The following RASEF variants were observed in gnomAD, a reference collection of about 807,000 sequenced individuals.
The protein encoded by RASEF is ras and EF-hand domain-containing protein.
Under a neutral mutation model 90.1 loss-of-function variants are expected in RASEF, and 68 were observed. The ratio of observed to expected loss-of-function variants is 0.75; its 90% confidence interval spans 0.62 to 0.92. The LOEUF (loss-of-function observed/expected upper bound fraction) is 0.92. Among genes scored for constraint, RASEF ranks in the 40% least tolerant of loss-of-function variants. The pLI is 0.00. For synonymous variants in RASEF, 331 were observed against 345.2 expected (o/e 0.96, Z 0.46); for missense variants, 949 against 937.2 (o/e 1.01, Z -0.16).
the RASEF span, among the ~76,000 whole-genome samples, chr9:83,132,404 C>A: frequency 6.6e-6 from 1 of 152,146 alleles, no homozygotes; most frequent in African/African-American, 2.4e-5. Context: ...CAGCCACCTC[C>A]TAATCTCCTA....
At chr9:83,160,674 A>T in the RASEF span, among the ~76,000 whole-genome samples, 1 of 152,230 alleles carries the variant, frequency 6.6e-6, no homozygotes, top group African/African-American at 2.4e-5. Flanking sequence ...GCCAAATGTT[A>T]GTCCCCAAGA....
chr9:83,010,031 A>G (rs1829211542), intron 5 of RASEF, among the ~76,000 whole-genome samples: 1 of 152,232 alleles, frequency 6.6e-6, no homozygotes, highest in Non-Finnish European at 1.5e-5. Context: ...ATCATGATGT[A>G]TTTCAACACA....
At chr9:83,135,490 T>C in the RASEF span, among the ~76,000 whole-genome samples, 2 of 152,098 alleles carry the variant, frequency 1.3e-5, no homozygotes, top group African/African-American at 4.8e-5. Context: ...ACTTAAAGTA[T>C]AATTTAAAAA....
upstream of RASEF, among the ~76,000 whole-genome samples, chr9:83,065,586 CA>C (rs938516653): frequency 6.6e-6 from 1 of 151,554 alleles, no homozygotes; most frequent in Non-Finnish European, 1.5e-5. Context: ...GAAGGGACTA[CA>C]AAAAAAACAG....
chr9:83,140,670 A>G, the RASEF span, among the ~76,000 whole-genome samples: 2 of 152,220 alleles, frequency 1.3e-5, no homozygotes, highest in African/African-American at 4.8e-5. Flanking sequence ...ATATAAATAC[A>G]ACATTTGAAC....
the RASEF span, among the ~76,000 whole-genome samples, chr9:83,198,694 T>C: frequency 0.8 from 121,187 of 152,026 alleles, 48,855 homozygotes; most frequent in East Asian, 0.96. Flanking sequence ...AGAACTTGTT[T>C]CGCTCTCAGC....
chr9:83,198,258 C>T, the RASEF span, among the ~76,000 whole-genome samples: 2 of 152,056 alleles, frequency 1.3e-5, no homozygotes, highest in Admixed American at 1.3e-4. Context: ...ACATTTATAC[C>T]AGTTTATGCT....
At chr9:83,063,967 C>T (rs1052950580), upstream of RASEF, among the ~76,000 whole-genome samples, 1 of 152,204 alleles carries the variant, frequency 6.6e-6, no homozygotes, top group Non-Finnish European at 1.5e-5. Flanking sequence ...AGGCGATTCT[C>T]ATAGCCTGTG....
At chr9:83,120,357 G>A in the RASEF span, among the ~76,000 whole-genome samples, 1 of 152,150 alleles carries the variant, frequency 6.6e-6, no homozygotes, top group Admixed American at 6.5e-5. Context: ...CTTTGGCCAA[G>A]AAATATAGTC....
chr9:83,046,354 T>C (rs1829929700), intron 1 of RASEF, among the ~76,000 whole-genome samples: 1 of 152,208 alleles, frequency 6.6e-6, no homozygotes, highest in Non-Finnish European at 1.5e-5. Flanking sequence ...TATAGAAGTA[T>C]AGATATCGAG....
chr9:83,089,553 A>G, the RASEF span, among the ~76,000 whole-genome samples: 4 of 152,186 alleles, frequency 2.6e-5, no homozygotes, highest in African/African-American at 9.6e-5. Context: ...TTTACCAGAT[A>G]GAGAAGTCTG....
intron 1 of RASEF, chr9:83,055,793 A>C: frequency 1.6e-6 from 1 of 630,940 alleles, no homozygotes; most frequent in South Asian, 1.8e-5. Context: ...TGGTCTCCTA[A>C]AACTCCCAAA....
At chr9:83,070,136 T>G in the RASEF span, among the ~76,000 whole-genome samples, 4 of 150,988 alleles carry the variant, frequency 2.6e-5, no homozygotes, top group East Asian at 7.7e-4. Flanking sequence ...AGTTTTGGTT[T>G]TGATGAAATT....
At chr9:83,174,365 G>A in the RASEF span, among the ~76,000 whole-genome samples, 5 of 152,022 alleles carry the variant, frequency 3.3e-5, no homozygotes, top group Admixed American at 6.6e-5. Flanking sequence ...TTATTTTGCC[G>A]GTGGATAGCC....
At chr9:83,096,516 TG>T in the RASEF span, among the ~76,000 whole-genome samples, 1 of 152,136 alleles carries the variant, frequency 6.6e-6, no homozygotes, top group African/African-American at 2.4e-5. Flanking sequence ...AGCTCATGAC[TG>T]TTACTTGAGG....
intron 5 of RASEF, among the ~76,000 whole-genome samples, chr9:83,010,616 C>T (rs973871111): frequency 1.3e-5 from 2 of 152,184 alleles, no homozygotes; most frequent in Non-Finnish European, 2.9e-5. Flanking sequence ...CCACCAAGCC[C>T]ATTCCCTATC....
chr9:83,200,487 A>T, the RASEF span, among the ~76,000 whole-genome samples: 1 of 152,188 alleles, frequency 6.6e-6, no homozygotes, highest in Non-Finnish European at 1.5e-5. Flanking sequence ...GCCTGTTCAG[A>T]AAGGTCCTTT....
At chr9:83,126,679 C>G in the RASEF span, among the ~76,000 whole-genome samples, 19 of 152,158 alleles carry the variant, frequency 1.2e-4, no homozygotes, top group Non-Finnish European at 2.6e-4. Flanking sequence ...TACCTACTGC[C>G]CTGGATGGCA....
At chr9:83,055,088 AG>A (rs1335163825) in intron 1 of RASEF, 14 of 156,096 alleles carry the variant, frequency 9.0e-5, no homozygotes, top group African/African-American at 3.8e-4. Flanking sequence ...TCGAGCTTCC[AG>A]GCTGCTTTGT....
Sources: gnomAD v4.1 joint callset for allele counts (sites outside exome capture counted in the v4.1 genomes callset) on GRCh38, gnomAD v4.1.1 for gene constraint, MANE v1.5 for transcripts, NCBI Gene and HGNC (gene_info 2026-07-23, HGNC 2026-07-21) for gene names.